Variants in LARS2 observed in about 807,000 individuals in gnomAD.
LARS2 encodes the protein leucyl-tRNA synthetase 2, mitochondrial, also known as leucine--tRNA ligase, mitochondrial.
Under a neutral mutation model 116.6 loss-of-function variants are expected in LARS2, and 81 were observed. The ratio of observed to expected loss-of-function variants is 0.69; its 90% CI spans 0.58 to 0.84. LARS2 has a LOEUF of 0.84. Ranked by LOEUF, LARS2 falls within the 40% of genes least tolerant of loss-of-function variation. LARS2 has a pLI of 0.00. For synonymous variants in LARS2, 396 were observed against 407.2 expected (o/e 0.97, Z 0.33); for missense variants, 968 against 1,114.5 (o/e 0.87, Z 1.87).
rs544321383 is a variant in LARS2, at chr3:45,512,279, T to G, written c.1761-856T>G. ...CTGAACACGAAATACTTAACGTGTG[T>G]TATCAGCAGATATCGCCATGAATCA... On this transcript the variant is annotated intron_variant, in intron 15 of 21. Coordinates refer to ENST00000645846, the MANE Select transcript of LARS2 (RefSeq NM_015340.4). Among the ~76,000 whole-genome samples, 5 of 152,350 alleles carry G rather than the reference T, an allele frequency of 3.3e-5. No homozygotes were observed. In the East Asian group the frequency reaches 9.6e-4, roughly 29 times the overall value.
intron 18 of LARS2, 76 bp downstream of exon 18, chr3:45,518,148 T>C: frequency 8.6e-7 from 1 of 1,158,266 alleles, no homozygotes; most frequent in African/African-American, 1.5e-5. Flanking sequence ...TGGTCTTTGC[T>C]GCCCTCCCTG....
At chr3:45,532,806 T>A (rs1700636038) in intron 20 of LARS2, among the ~76,000 whole-genome samples, 1 of 152,046 alleles carries the variant, frequency 6.6e-6, no homozygotes. Context: ...CATGCCCGGC[T>A]AATTTTTGTG....
chr3:45,514,071 A>T (rs949215630), intron 16 of LARS2, among the ~76,000 whole-genome samples: 29 of 152,054 alleles, frequency 1.9e-4, no homozygotes, highest in Middle Eastern at 3.4e-3. Flanking sequence ...CCAGGCGTGG[A>T]GGCATGCACC....
At chr3:45,404,813 C>T (rs991819551) in intron 4 of LARS2, among the ~76,000 whole-genome samples, 1 of 152,130 alleles carries the variant, frequency 6.6e-6, no homozygotes, top group Non-Finnish European at 1.5e-5. Flanking sequence ...TCTAGAACTC[C>T]TGATCTCAGG....
chr3:45,474,159 C>G, intron 8 of LARS2, 84 bp from the exon 9 acceptor site: 1 of 810,264 alleles, frequency 1.2e-6, no homozygotes, highest in Non-Finnish European at 2.0e-6. Context: ...CCTGCTTTTC[C>G]TACCTTAACA....
At chr3:45,475,245 G>A (rs1419632278) in intron 9 of LARS2, among the ~76,000 whole-genome samples, 1 of 152,132 alleles carries the variant, frequency 6.6e-6, no homozygotes, top group African/African-American at 2.4e-5. Flanking sequence ...CATACCTGGT[G>A]TCTGCAAGCA....
chr3:45,448,123 G>A (rs1699052454), intron 7 of LARS2, among the ~76,000 whole-genome samples: 1 of 152,134 alleles, frequency 6.6e-6, no homozygotes, highest in Non-Finnish European at 1.5e-5. Flanking sequence ...ACTCAAGACG[G>A]TGAGGTAAGA....
At chr3:45,413,077 A>G (rs1181350658) in intron 4 of LARS2, among the ~76,000 whole-genome samples, 1 of 152,230 alleles carries the variant, frequency 6.6e-6, no homozygotes, top group Non-Finnish European at 1.5e-5. Context: ...CAAGTACTTG[A>G]TTGGCCCTTT....
intron 4 of LARS2, among the ~76,000 whole-genome samples, chr3:45,411,928 T>C (rs1345715282): frequency 6.6e-6 from 1 of 152,214 alleles, no homozygotes; most frequent in African/African-American, 2.4e-5. Flanking sequence ...CACTTATAAG[T>C]GAGAACATGT....
chr3:45,431,462 A>G (rs1698713129), intron 6 of LARS2, among the ~76,000 whole-genome samples: 1 of 152,218 alleles, frequency 6.6e-6, no homozygotes, highest in Non-Finnish European at 1.5e-5. Context: ...AAAAACAACT[A>G]TTACTTTATG....
intron 5 of LARS2, among the ~76,000 whole-genome samples, chr3:45,418,711 G>A (rs891430786): frequency 1.3e-5 from 2 of 152,242 alleles, no homozygotes; most frequent in East Asian, 3.8e-4. Context: ...AAAGCTGAAA[G>A]CATTCATCAT....
At chr3:45,393,251 T>C (rs1697987838) in intron 2 of LARS2, among the ~76,000 whole-genome samples, 1 of 115,152 alleles carries the variant, frequency 8.7e-6, no homozygotes, top group Non-Finnish European at 1.9e-5. Context: ...TCTTATCTGC[T>C]TCCCTGCTAG....
intron 8 of LARS2, among the ~76,000 whole-genome samples, chr3:45,462,463 A>G (rs1234587567): frequency 6.6e-6 from 1 of 152,140 alleles, no homozygotes; most frequent in Non-Finnish European, 1.5e-5. Flanking sequence ...CAGAAGGGGC[A>G]GTGCCAAAAA....
chr3:45,401,938 A>G (rs78667429), intron 4 of LARS2, among the ~76,000 whole-genome samples: 45 of 152,274 alleles, frequency 3.0e-4, no homozygotes, highest in Non-Finnish European at 3.8e-4. Context: ...TTTACTAGCA[A>G]TCTTTAGCAA....
At chr3:45,482,704 C>A (rs1161306256) in intron 10 of LARS2, among the ~76,000 whole-genome samples, 1 of 152,106 alleles carries the variant, frequency 6.6e-6, no homozygotes, top group Non-Finnish European at 1.5e-5. Context: ...CCTCCTTAAC[C>A]AAACACTTTT....
At position 45,459,024 on chromosome 3, in the gene LARS2, A is replaced by G; in HGVS notation, c.750+138A>G. The stretch of plus-strand genomic sequence containing the variant: ...GGGAGCCATGGATGTACAGACAGGA[A>G]GCAGCTGAGCCTCATCACTCACTTA... On this transcript the variant is annotated intron_variant, in intron 8 of 21. Transcript: ENST00000645846. The G allele has an allele frequency of 3.7e-6, 3 of 804,480 alleles. No homozygotes were observed. In the South Asian group the frequency reaches 5.0e-5, roughly 13 times the overall value. 49.8% of individuals were successfully genotyped at this position (804,480 alleles called of 1,614,324 possible).
At chr3:45,528,183 T>A (rs1700560231) in intron 20 of LARS2, among the ~76,000 whole-genome samples, 1 of 151,898 alleles carries the variant, frequency 6.6e-6, no homozygotes, top group Non-Finnish European at 1.5e-5. Flanking sequence ...CAAAAAATTT[T>A]AAAATTATCT....
At chr3:45,470,990 G>A (rs563768124) in intron 8 of LARS2, among the ~76,000 whole-genome samples, 3 of 127,864 alleles carry the variant, frequency 2.3e-5, no homozygotes, top group East Asian at 5.2e-4. Context: ...TCTGCCAGAT[G>A]TAAAGACATG....
In LARS2 at chr3:45,523,883, AG is replaced by A. The variant is rs1700492451; in HGVS notation, c.2293-109del. Reference sequence around the variant, plus strand: ...TGTCCCAAGCAGAAATGGATGGCAAAGGGGGTTTCTTCCTACCAGCTTGTGT... The same window carrying A: ...TGTCCCAAGCAGAAATGGATGGCAAAGGGGTTTCTTCCTACCAGCTTGTGT... On this transcript the variant is annotated intron_variant, in intron 19 of 21. Transcript: ENST00000645846. 1.9e-5 allele frequency: 13 copies of A among 701,656 alleles called. No homozygotes were observed. In the Admixed American group the frequency reaches 2.8e-4, roughly 15 times the overall value. 43.5% of individuals were successfully genotyped at this position (701,656 alleles called of 1,614,324 possible).
Sources: gnomAD v4.1 joint callset for allele counts (sites outside exome capture counted in the v4.1 genomes callset) on GRCh38, gnomAD v4.1.1 for gene constraint, MANE v1.5 for transcripts, NCBI Gene and HGNC (gene_info 2026-07-23, HGNC 2026-07-21) for gene names.